The following PLS3 variants were observed in gnomAD, a reference collection of about 807,000 sequenced individuals.
PLS3 encodes the protein plastin 3.
A neutral mutation model predicts 46.5 loss-of-function variants in PLS3; 11 were observed. That is an observed-to-expected ratio of 0.24 (90% CI 0.15 to 0.39). The LOEUF is 0.39. Among genes scored for constraint, PLS3 ranks in the 10% least tolerant of loss-of-function variants. The probability of loss-of-function intolerance (pLI) is 1.00; values close to 1 mark genes in which losing one functional copy is unlikely to be tolerated. For synonymous variants in PLS3, 167 were observed against 162.2 expected (o/e 1.03, Z -0.22); for missense variants, 308 against 461.8 (o/e 0.67, Z 3.05).
intron 8 of PLS3, 45 bp from the exon 9 acceptor site, chrX:115,640,363 A>G (rs1556640839): frequency 2.3e-6 from 2 of 870,625 alleles, no homozygotes; most frequent in East Asian, 6.2e-5. Flanking sequence ...GGATACATTC[A>G]TTCCTTGTAA....
At chrX:115,626,290 T>G (rs959500606) in intron 3 of PLS3, among the ~76,000 whole-genome samples, 3 of 110,137 alleles carry the variant, frequency 2.7e-5, no homozygotes, top group Non-Finnish European at 5.7e-5. Flanking sequence ...TTTTTACTTT[T>G]TTTTTTTTTT....
In PLS3 at chrX:115,635,057, A is replaced by G; in HGVS notation, c.748+11A>G. The G allele has an allele frequency of 8.4e-7, 1 of 1,191,560 alleles. No homozygotes were observed. The highest frequency in any genetic ancestry group is 1.1e-6 in the Non-Finnish European group (1 of 881,390). On this transcript the variant is annotated intron_variant, in intron 7 of 15. Transcript: ENST00000355899. ...TAAGCAGGAATGAAGGTAATGGAAC[A>G]CAGTCATTCTGGCAGTTGTTTATTG...
At chrX:115,591,492 A>G (rs2074345103) in intron 1 of PLS3, among the ~76,000 whole-genome samples, 1 of 111,747 alleles carries the variant, frequency 8.9e-6, no homozygotes, top group Non-Finnish European at 1.9e-5. Context: ...CATATTTAAA[A>G]CATTAATTTC....
At chrX:115,643,673 A>G (rs1250449396) in intron 10 of PLS3, among the ~76,000 whole-genome samples, 165 bp downstream of exon 10, 1 of 112,380 alleles carries the variant, frequency 8.9e-6, no homozygotes, top group African/African-American at 3.2e-5. Context: ...GTGAACTTTT[A>G]AAGTAAAGTA....
intron 1 of PLS3, among the ~76,000 whole-genome samples, chrX:115,575,005 G>A (rs2074239455): frequency 8.9e-6 from 1 of 111,749 alleles, no homozygotes; most frequent in Non-Finnish European, 1.9e-5. Context: ...ACCTTCCACA[G>A]CACTCTACCC....
intron 1 of PLS3, among the ~76,000 whole-genome samples, chrX:115,601,238 G>A (rs1422999090): frequency 9.1e-6 from 1 of 109,714 alleles, no homozygotes; most frequent in African/African-American, 3.3e-5. Flanking sequence ...GAGAGTGTTG[G>A]GTTCAAGGGT....
intron 1 of PLS3, among the ~76,000 whole-genome samples, chrX:115,581,453 T>C (rs2074278944): frequency 8.9e-6 from 1 of 112,268 alleles, no homozygotes; most frequent in Non-Finnish European, 1.9e-5. Flanking sequence ...AAGCATCTGA[T>C]AAACTTCTTA....
chrX:115,590,114 G>T lies in PLS3; in HGVS notation c.-8-20129G>T, dbSNP rs1406791543. On this transcript the variant is annotated intron_variant, in intron 1 of 15. Transcript: ENST00000355899. ...CAGGTGATCCGCCCACCTCAGCCTC[G>T]CAAAGTGCTGGGATTACAGGCCTGA... Among the ~76,000 whole-genome samples the T allele has an allele frequency of 1.2e-4, 13 of 111,416 alleles. 1 individual carries two copies. Among genetic ancestry groups the T allele is most frequent in the Non-Finnish European group, 3.8e-5 (2 of 53,053 alleles).
intron 1 of PLS3, among the ~76,000 whole-genome samples, chrX:115,591,730 A>G (rs1556633148): frequency 8.9e-6 from 1 of 112,085 alleles, no homozygotes; most frequent in African/African-American, 3.2e-5. Flanking sequence ...AATTAGCTCA[A>G]AATGCTTGGT....
chrX:115,567,575 G>A (rs1401321257), intron 1 of PLS3, among the ~76,000 whole-genome samples: 1 of 109,805 alleles, frequency 9.1e-6, no homozygotes, highest in African/African-American at 3.3e-5. Flanking sequence ...CTGGGCTACC[G>A]AGTGAGACCC....
chrX:115,609,405 AATT>A (rs1169237097), intron 1 of PLS3, among the ~76,000 whole-genome samples: 2 of 112,230 alleles, frequency 1.8e-5, no homozygotes, highest in African/African-American at 6.5e-5. Context: ...AAAATATAAT[AATT>A]GAGTACAATT....
intron 8 of PLS3, 128 bp downstream of exon 8, chrX:115,637,106 AT>A (rs1376157824): frequency 3.2e-6 from 2 of 620,394 alleles, no homozygotes; most frequent in Non-Finnish European, 4.9e-6. Context: ...CTGAAGGTAG[AT>A]TTTAGAAGAG....
chrX:115,594,127 G>T (rs2074365342), intron 1 of PLS3, among the ~76,000 whole-genome samples: 1 of 111,460 alleles, frequency 9.0e-6, no homozygotes, highest in East Asian at 2.8e-4. Flanking sequence ...CTCTTCCTAC[G>T]TGAGTTAAAT....
chrX:115,610,190 C>A, intron 1 of PLS3, 53 bp from the exon 2 acceptor site: 1 of 597,252 alleles, frequency 1.7e-6, no homozygotes, highest in East Asian at 3.5e-5. Context: ...AGCAAGAGTG[C>A]TTATATTTAT....
intron 1 of PLS3, among the ~76,000 whole-genome samples, chrX:115,577,957 C>T (rs1408284188): frequency 2.7e-5 from 3 of 111,709 alleles, no homozygotes; most frequent in Non-Finnish European, 5.6e-5. Context: ...GGATTACAGC[C>T]GTCAATGAAA....
chrX:115,629,901 A>G lies in PLS3; in HGVS notation c.434A>G (p.His145Arg). 1 of 1,163,314 alleles carries G rather than the reference A, an allele frequency of 8.6e-7. No homozygotes were observed. Among genetic ancestry groups the G allele is most frequent in the South Asian group, 1.8e-5 (1 of 54,678 alleles). ...KALENDPDCR[H>R]VIPMNPNTDD... Reference sequence around the variant, plus strand: ...TTGGAAAATGATCCTGATTGTAGACATGTTATACCAATGAACCCTAACACC... The same window carrying G: ...TTGGAAAATGATCCTGATTGTAGACGTGTTATACCAATGAACCCTAACACC... The change falls in exon 5 of 16, where the codon CAT (histidine) becomes CGT (arginine). Residue 145 changes from histidine (H) to arginine (R), a missense_variant. Physicochemically the swap from His to Arg is conservative, Grantham distance 29 (BLOSUM62 0). This residue lies in a region of PLS3 where 271 missense variants were observed against 435.7 expected (regional missense o/e 0.62). Coordinates refer to ENST00000355899, the MANE Select transcript of PLS3 (RefSeq NM_005032.7).
Position 115,568,925 on chromosome X carries a change from A to T in PLS3, c.-9+7665A>T, listed in dbSNP as rs782244559. On this transcript the variant is annotated intron_variant, in intron 1 of 15. Transcript: ENST00000355899. ...GTGGCGCACGCCTGTAATCCCAGCT[A>T]CTTGGGAGGCTAAGGCAGGAGAATC... Among the ~76,000 whole-genome samples, 255 of 110,638 alleles carry T rather than the reference A, an allele frequency of 2.3e-3. 4 individuals carry two copies. The highest frequency in any genetic ancestry group is 8.1e-3 in the African/African-American group (243 of 30,154).
Position 115,610,245 on chromosome X carries a change from C to CT in PLS3, c.-3dup. The stretch of plus-strand genomic sequence containing the variant: ...AAACGTTTTTGGTTTTTCTTTAGAT[C>CT]TTTAAATGGATGAGATGGCTACCAC... On this transcript the variant is annotated 5_prime_UTR_variant, in exon 2 of 16. Coordinates refer to ENST00000355899, the MANE Select transcript of PLS3 (RefSeq NM_005032.7). 1.8e-6 allele frequency: 2 copies of CT among 1,125,094 alleles called. No individual in the cohort carries two copies. The highest frequency in any genetic ancestry group is 4.9e-4 in the Middle Eastern group (2 of 4,077). The allele number at this position is 1,125,094 out of a possible 1,213,427, so 92.7% of individuals were successfully genotyped here. A position where few individuals can be genotyped will look rare whatever the true frequency, so the allele number is the denominator to read the frequency against.
At chrX:115,599,624 CATT>C (rs781845776) in intron 1 of PLS3, among the ~76,000 whole-genome samples, 4,521 of 93,803 alleles carry the variant, frequency 0.048, 321 homozygotes, top group African/African-American at 0.17. Context: ...TGGAGAAACA[CATT>C]ATTATTATTA....
Sources: allele counts gnomAD v4.1 joint callset (sites outside exome capture counted in the v4.1 genomes callset), GRCh38; gene constraint gnomAD v4.1.1; regional missense constraint gnomAD v4.1.1; transcripts MANE v1.5; gene names NCBI Gene and HGNC (gene_info 2026-07-23, HGNC 2026-07-21).